SV2C: variants seen among roughly 807,000 people sequenced by gnomAD.
SV2C encodes solute carrier family 22 member B3.
A neutral mutation model predicts 79.7 loss-of-function variants in SV2C; 49 were observed. That is an observed-to-expected ratio of 0.61 (90% CI 0.49 to 0.78). The LOEUF (loss-of-function observed/expected upper bound fraction) is 0.78, where lower values mean the gene tolerates loss of function less well. Ranked by LOEUF, SV2C falls within the 30% of genes least tolerant of loss-of-function variation. The probability of loss-of-function intolerance (pLI) is 0.00; values close to 1 mark genes in which losing one functional copy is unlikely to be tolerated. For missense variants in SV2C, 833 were observed against 912.9 expected (o/e 0.91, Z 1.13); for synonymous variants, 334 against 333.2 (o/e 1.00, Z -0.03).
intron 4 of SV2C, among the ~76,000 whole-genome samples, chr5:76,245,409 TG>T (rs2112428962): frequency 1.3e-5 from 2 of 152,190 alleles, no homozygotes; most frequent in South Asian, 4.2e-4. Context: ...AAGTCACCAG[TG>T]GCAAATGATT....
chr5:76,106,086 A>G (rs950568956), intron 1 of SV2C, among the ~76,000 whole-genome samples: 2 of 152,096 alleles, frequency 1.3e-5, no homozygotes, highest in African/African-American at 4.8e-5. Context: ...TAATATGCCT[A>G]AAAGCTGAAC....
At chr5:76,039,813 G>A in the SV2C span, among the ~76,000 whole-genome samples, 456 of 151,848 alleles carry the variant, frequency 3.0e-3, 5 homozygotes, top group African/African-American at 0.01. Context: ...CTAAAGAGTG[G>A]TAACTACTTA....
At chr5:76,201,325 G>T (rs139882239) in intron 3 of SV2C, among the ~76,000 whole-genome samples, 142 of 152,314 alleles carry the variant, frequency 9.3e-4, no homozygotes, top group Middle Eastern at 3.4e-3. Flanking sequence ...TTTGTAGCCA[G>T]TCACTGTTAA....
the SV2C span, among the ~76,000 whole-genome samples, chr5:76,022,747 G>T: frequency 6.6e-6 from 1 of 152,172 alleles, no homozygotes; most frequent in Non-Finnish European, 1.5e-5. Flanking sequence ...ATAAAATAAT[G>T]CATTAATTTA....
chr5:75,958,928 A>C, the SV2C span, among the ~76,000 whole-genome samples: 3 of 151,942 alleles, frequency 2.0e-5, no homozygotes, highest in Non-Finnish European at 4.4e-5. Flanking sequence ...TTCTTTGTAC[A>C]TCTGCGTAGG....
chr5:75,879,830 A>G, the SV2C span, among the ~76,000 whole-genome samples: 8 of 152,278 alleles, frequency 5.3e-5, no homozygotes, highest in South Asian at 1.7e-3. Flanking sequence ...TTCTCTGTTA[A>G]GGTTCTGCCT....
chr5:76,150,390 A>C (rs556618678), intron 2 of SV2C, among the ~76,000 whole-genome samples: 1 of 151,948 alleles, frequency 6.6e-6, no homozygotes, highest in African/African-American at 2.4e-5. Context: ...GTTGGCCAGG[A>C]TGGTCTCAAT....
chr5:76,048,752 G>A, the SV2C span, among the ~76,000 whole-genome samples: 1 of 150,720 alleles, frequency 6.6e-6, no homozygotes, highest in Admixed American at 6.6e-5. Flanking sequence ...ACATGTACAA[G>A]CTGAGAGGAG....
At position 76,198,919 on chromosome 5, in the gene SV2C, C is replaced by A. The variant is rs556530720; in HGVS notation, c.761+3820C>A. 2.0e-5 allele frequency among the ~76,000 whole-genome samples: 3 copies of A among 152,288 alleles called. No individual in the cohort carries two copies. The South Asian group carries it at 6.2e-4, about 32-fold the overall frequency. The stretch of plus-strand genomic sequence containing the variant: ...CACCTCAAGTTGCTTACAGTCTGTA[C>A]AGACAGGCAGCTCTTCCAGTTCCCA... On this transcript the variant is annotated intron_variant, in intron 3 of 12. Transcript: ENST00000502798.
chr5:76,064,328 C>A, the SV2C span, among the ~76,000 whole-genome samples: 2 of 152,144 alleles, frequency 1.3e-5, no homozygotes, highest in Admixed American at 6.5e-5. Flanking sequence ...GAGATGTGAG[C>A]CTTCCACAAG....
chr5:75,946,762 G>T, the SV2C span, among the ~76,000 whole-genome samples: 1 of 152,036 alleles, frequency 6.6e-6, no homozygotes, highest in Non-Finnish European at 1.5e-5. Flanking sequence ...CTGCCAGGGG[G>T]TAGGGTTTGA....
chr5:76,014,778 A>G, the SV2C span, among the ~76,000 whole-genome samples: 1 of 152,234 alleles, frequency 6.6e-6, no homozygotes, highest in Non-Finnish European at 1.5e-5. Flanking sequence ...GTTACCAGAT[A>G]TAATTATACA....
At chr5:76,076,307 G>T in the SV2C span, among the ~76,000 whole-genome samples, 1 of 152,154 alleles carries the variant, frequency 6.6e-6, no homozygotes, top group Admixed American at 6.5e-5. Context: ...GATTGATCTG[G>T]TGCCTTTTTA....
At chr5:75,910,565 C>A in the SV2C span, 1 of 681,482 alleles carries the variant, frequency 1.5e-6, no homozygotes, top group Non-Finnish European at 2.7e-6. Context: ...CTACTTCACC[C>A]AGTTCAGTGA....
At chr5:75,917,365 G>C in the SV2C span, among the ~76,000 whole-genome samples, 2 of 152,126 alleles carry the variant, frequency 1.3e-5, no homozygotes, top group African/African-American at 4.8e-5. Context: ...TACAAGTTAG[G>C]TTTAGCACTA....
intron 12 of SV2C, among the ~76,000 whole-genome samples, chr5:76,323,610 A>G (rs1748897471): frequency 6.6e-6 from 1 of 152,254 alleles, no homozygotes; most frequent in Non-Finnish European, 1.5e-5. Flanking sequence ...TGCACTATTT[A>G]CAATAGCAAA....
the SV2C span, among the ~76,000 whole-genome samples, chr5:76,060,830 T>G: frequency 6.6e-6 from 1 of 152,078 alleles, no homozygotes; most frequent in Non-Finnish European, 1.5e-5. Flanking sequence ...CAACATGCCT[T>G]CCTCACGAAG....
the SV2C span, among the ~76,000 whole-genome samples, chr5:75,883,849 A>AAC: frequency 1.9e-3 from 272 of 146,402 alleles, 4 homozygotes; most frequent in Admixed American, 0.014. Context: ...ATATTTAAAA[A>AAC]AAAAACAAAA....
At chr5:75,955,426 T>C in the SV2C span, among the ~76,000 whole-genome samples, 2 of 151,496 alleles carry the variant, frequency 1.3e-5, no homozygotes, top group East Asian at 3.9e-4. Context: ...ACGTTAGACC[T>C]AAAGCCATAA....
Sources: allele counts gnomAD v4.1 joint callset (sites outside exome capture counted in the v4.1 genomes callset), GRCh38; gene constraint gnomAD v4.1.1; transcripts MANE v1.5; gene names NCBI Gene and HGNC (gene_info 2026-07-23, HGNC 2026-07-21).